Variants in DCC observed in about 807,000 individuals in gnomAD.
DCC encodes DCC netrin 1 receptor.
In DCC, 58 loss-of-function variants were observed where a neutral mutation model predicts 172.5. The observed-to-expected ratio is 0.34, with a 90% CI of 0.27 to 0.42. The LOEUF (loss-of-function observed/expected upper bound fraction) is 0.42, where lower values mean the gene tolerates loss of function less well. DCC is among the 10% of genes least tolerant of loss of function. The pLI, the probability that DCC is intolerant of heterozygous loss-of-function variation, is 1.00. For synonymous variants in DCC, 709 were observed against 644.5 expected, an observed-to-expected ratio of 1.10 and a Z score of -1.52; for missense variants, 1,740 against 1,791.0, an observed-to-expected ratio of 0.97 and a Z score of 0.51.
rs34489844 is a variant in DCC, at chr18:52,796,102, C to CTT, written c.412+43734_412+43735dup. Among the ~76,000 whole-genome samples the CTT allele has an allele frequency of 1.0e-4, 15 of 144,858 alleles. 1 individual carries two copies. The highest frequency in any genetic ancestry group is 1.6e-4 in the Non-Finnish European group (11 of 66,760). Reference sequence around the variant, plus strand: ...TTTGGTTTCCATTTACATGGAATATCTTTTTTTATCCCTTCACTTTAAATC... The same window carrying CTT: ...TTTGGTTTCCATTTACATGGAATATCTTTTTTTTTATCCCTTCACTTTAAATC... On this transcript the variant is annotated intron_variant, in intron 2 of 28. Coordinates refer to ENST00000442544, the MANE Select transcript of DCC (RefSeq NM_005215.4).
chr18:53,303,533 C>T (rs2057164667), intron 12 of DCC, among the ~76,000 whole-genome samples: 1 of 152,168 alleles, frequency 6.6e-6, no homozygotes, highest in Non-Finnish European at 1.5e-5. Flanking sequence ...AATTTTAGCA[C>T]TTGAGTTGGA....
chr18:53,466,635 T>C (rs569731370), intron 24 of DCC, among the ~76,000 whole-genome samples: 3 of 152,054 alleles, frequency 2.0e-5, no homozygotes, highest in African/African-American at 7.2e-5. Flanking sequence ...AAGCGATTCT[T>C]CTGCCTCAGC....
At chr18:53,202,025 AAT>A (rs2055545038) in intron 9 of DCC, among the ~76,000 whole-genome samples, 1 of 152,148 alleles carries the variant, frequency 6.6e-6, no homozygotes. Flanking sequence ...CATTTGTGTA[AAT>A]ATATGTGTGT....
intron 12 of DCC, among the ~76,000 whole-genome samples, chr18:53,243,434 A>G (rs1356217326): frequency 6.6e-6 from 1 of 152,134 alleles, no homozygotes; most frequent in Non-Finnish European, 1.5e-5. Context: ...ATTGAAAATC[A>G]TTTCAAAGGC....
At chr18:52,435,563 A>G (rs1987765325) in intron 1 of DCC, among the ~76,000 whole-genome samples, 2 of 152,084 alleles carry the variant, frequency 1.3e-5, no homozygotes, top group African/African-American at 4.8e-5. Flanking sequence ...CTGGTTTCTC[A>G]TCACCCTCTT....
At position 52,891,009 on chromosome 18, in the gene DCC, A is replaced by C. The variant is rs2039641954; in HGVS notation, c.413-15035A>C. 1.3e-5 allele frequency among the ~76,000 whole-genome samples: 2 copies of C among 152,124 alleles called. 1 individual carries two copies. On this transcript the variant is annotated intron_variant, in intron 2 of 28. Transcript: ENST00000442544. ...CTTTGGGAACCAGAGTTCTATCTAC[A>C]AAACCAATTAAATCAGTGTAAATGG...
At chr18:52,764,087 C>T (rs1008629992) in intron 2 of DCC, among the ~76,000 whole-genome samples, 11 of 152,140 alleles carry the variant, frequency 7.2e-5, no homozygotes, top group South Asian at 2.1e-4. Context: ...CTTAATCAAA[C>T]GGTATGAACA....
intron 5 of DCC, among the ~76,000 whole-genome samples, chr18:53,018,518 T>C (rs2041838655): frequency 6.6e-6 from 1 of 152,208 alleles, no homozygotes; most frequent in Non-Finnish European, 1.5e-5. Context: ...CTTCAATTTA[T>C]TTTTGATACT....
intron 24 of DCC, 45 bp from the exon 25 acceptor site, chr18:53,467,849 G>A (rs963530112): frequency 2.1e-6 from 2 of 948,978 alleles, no homozygotes; most frequent in Non-Finnish European, 3.5e-6. Context: ...GTAAAGTGTT[G>A]CATCCTTGAA....
At chr18:52,435,928 A>G (rs1480145699) in intron 1 of DCC, among the ~76,000 whole-genome samples, 1 of 152,188 alleles carries the variant, frequency 6.6e-6, no homozygotes, top group Non-Finnish European at 1.5e-5. Context: ...CCGCTGAACC[A>G]AACAGGCCTT....
chr18:52,408,528 A>G (rs1208094138), intron 1 of DCC, among the ~76,000 whole-genome samples: 1 of 152,038 alleles, frequency 6.6e-6, no homozygotes, highest in Non-Finnish European at 1.5e-5. Context: ...AAAACAACTC[A>G]GGCCTACAAA....
chr18:52,688,771 TAA>T (rs1469706387), intron 1 of DCC, among the ~76,000 whole-genome samples: 2 of 152,132 alleles, frequency 1.3e-5, no homozygotes, highest in African/African-American at 4.8e-5. Context: ...TATATACAAT[TAA>T]AAGTTATTTA....
intron 12 of DCC, among the ~76,000 whole-genome samples, chr18:53,253,195 C>G (rs1260525575): frequency 2.6e-5 from 4 of 151,902 alleles, no homozygotes; most frequent in African/African-American, 9.7e-5. Context: ...AACAACACAG[C>G]ACTCTTTCTT....
At chr18:53,428,547 T>A (rs567438990) in intron 21 of DCC, among the ~76,000 whole-genome samples, 2 of 30,564 alleles carry the variant, frequency 6.5e-5, no homozygotes, top group African/African-American at 2.2e-4. Context: ...TATATATATA[T>A]AAATATATTT....
At chr18:53,380,271 G>A (rs1907615569) in intron 15 of DCC, among the ~76,000 whole-genome samples, 1 of 152,126 alleles carries the variant, frequency 6.6e-6, no homozygotes, top group Non-Finnish European at 1.5e-5. Context: ...CTCTCCAGTG[G>A]CACAGTGGTA....
chr18:53,285,689 G>T (rs2056927666), intron 12 of DCC, among the ~76,000 whole-genome samples: 2 of 152,166 alleles, frequency 1.3e-5, no homozygotes, highest in African/African-American at 4.8e-5. Flanking sequence ...CCAGACCCCA[G>T]AATGGTATAA....
At chr18:52,409,169 T>C (rs1241523698) in intron 1 of DCC, 1 of 152,118 alleles carries the variant, frequency 6.6e-6, no homozygotes, top group Non-Finnish European at 1.5e-5. Flanking sequence ...GGATGTATCA[T>C]GTATTCCATT....
chr18:53,481,980 G>A (rs980744907), intron 25 of DCC, among the ~76,000 whole-genome samples: 1 of 152,138 alleles, frequency 6.6e-6, no homozygotes, highest in African/African-American at 2.4e-5. Flanking sequence ...GAAAATGCTT[G>A]ATGATATCGC....
chr18:53,402,653 A>G, intron 18 of DCC, 133 bp from the exon 19 acceptor site: 2 of 757,726 alleles, frequency 2.6e-6, no homozygotes, highest in South Asian at 2.8e-5. Flanking sequence ...CCTTGAAATA[A>G]ACTGTAAATG....
Sources: allele counts gnomAD v4.1 joint callset (sites outside exome capture counted in the v4.1 genomes callset), GRCh38; gene constraint gnomAD v4.1.1; transcripts MANE v1.5; gene names NCBI Gene and HGNC (gene_info 2026-07-23, HGNC 2026-07-21).